Variants in LONP2 observed in about 807,000 individuals in gnomAD.
LONP2 encodes lon protease homolog 2, peroxisomal.
LONP2 carries 60 observed loss-of-function variants against 85.6 expected under a neutral mutation model. That is an observed-to-expected ratio of 0.70 (90% CI 0.57 to 0.87). The LOEUF is 0.87. Among genes scored for constraint, LONP2 ranks in the 40% least tolerant of loss-of-function variants. The pLI, the probability that LONP2 is intolerant of heterozygous loss-of-function variation, is 0.00. For synonymous variants in LONP2, 395 were observed against 389.7 expected (o/e 1.01, Z -0.16); for missense variants, 860 against 1,063.5 (o/e 0.81, Z 2.66).
At position 48,330,717 on chromosome 16, in the gene LONP2, A is replaced by G. The variant is rs77848634; in HGVS notation, c.1796-3499A>G. Among the ~76,000 whole-genome samples the G allele has an allele frequency of 1.8e-3, 280 of 152,294 alleles. 1 individual carries two copies. The East Asian group carries it at 0.037, about 20-fold the overall frequency. On this transcript the variant is annotated intron_variant, in intron 11 of 14. Coordinates refer to ENST00000285737, the MANE Select transcript of LONP2 (RefSeq NM_031490.5). The stretch of plus-strand genomic sequence containing the variant: ...AATCCAGTGCTGTCCTGCCTCTCCC[A>G]GTTGGCTGACACCATTTTCTTGACT...
chr16:48,289,703 T>C (rs559686169), intron 8 of LONP2, among the ~76,000 whole-genome samples: 1 of 152,280 alleles, frequency 6.6e-6, no homozygotes, highest in Non-Finnish European at 1.5e-5. Context: ...TCAATTCCAT[T>C]TTGGATATTA....
In LONP2 at chr16:48,356,595, T is replaced by C; in HGVS notation, c.*4793T>C. 3.8e-6 allele frequency: 1 copy of C among 262,392 alleles called. No homozygotes were observed. The highest frequency in any genetic ancestry group is 7.9e-6 in the Non-Finnish European group (1 of 127,138). 16.3% of individuals were successfully genotyped at this position (262,392 alleles called of 1,614,324 possible). On this transcript the variant is annotated 3_prime_UTR_variant, in exon 15 of 15. Coordinates refer to ENST00000285737, the MANE Select transcript of LONP2 (RefSeq NM_031490.5). ...GGTCCAACACTAATGCTCATTTTTT[T>C]TGTTTGTTTTACAAACATTTGGTGG...
rs914507785 is a variant in LONP2, at chr16:48,298,902, C to CT, written c.1535-749dup. On this transcript the variant is annotated intron_variant, in intron 9 of 14. Coordinates refer to ENST00000285737, the MANE Select transcript of LONP2 (RefSeq NM_031490.5). ...ATTGACTTAGATCAAATTTCTTTTTCTTTTTTTTTTTGGAGGCAGTCTCTG... is the reference window on the plus strand; with the variant it reads ...ATTGACTTAGATCAAATTTCTTTTTCTTTTTTTTTTTTGGAGGCAGTCTCTG... Among the ~76,000 whole-genome samples the CT allele has an allele frequency of 4.8e-3, 695 of 144,418 alleles. 2 individuals are homozygous for CT. Among genetic ancestry groups the CT allele is most frequent in the African/African-American group, 0.011 (436 of 39,734 alleles). 94.7% of individuals were successfully genotyped at this position (144,418 alleles called of 152,430 possible).
At position 48,295,924 on chromosome 16, in the gene LONP2, A is replaced by G. The variant is rs886492999; in HGVS notation, c.1384-91A>G. 6.6e-6 allele frequency: 8 copies of G among 1,208,850 alleles called. No homozygotes were observed. In the African/African-American group the frequency reaches 9.2e-5, roughly 14 times the overall value. The allele number at this position is 1,208,850 out of a possible 1,614,324, so 74.9% of individuals were successfully genotyped here. ...TAAATTCTTCTGAGCAGAAATACCA[A>G]CCTTGCCAGTACATCATGTGTGTTT... On this transcript the variant is annotated intron_variant, in intron 8 of 14. Coordinates refer to ENST00000285737, the MANE Select transcript of LONP2 (RefSeq NM_031490.5).
intron 10 of LONP2, among the ~76,000 whole-genome samples, chr16:48,301,219 A>G (rs1468134918): frequency 6.6e-6 from 1 of 152,200 alleles, no homozygotes; most frequent in African/African-American, 2.4e-5. Context: ...CTAATGTTCT[A>G]GTCTTTCTTA....
At chr16:48,358,083 G>A (rs755692796), downstream of LONP2, among the ~76,000 whole-genome samples, 3 of 152,188 alleles carry the variant, frequency 2.0e-5, no homozygotes, top group Non-Finnish European at 4.4e-5. Flanking sequence ...TAAATCAAAT[G>A]TGTAATGGAC....
chr16:48,357,980 A>G (rs911828781), downstream of LONP2, among the ~76,000 whole-genome samples: 3 of 152,200 alleles, frequency 2.0e-5, no homozygotes, highest in African/African-American at 7.2e-5. Flanking sequence ...TCCCATACCT[A>G]CCCCATGTAC....
intron 7 of LONP2, among the ~76,000 whole-genome samples, chr16:48,270,551 T>C (rs1972082359): frequency 6.6e-6 from 1 of 152,164 alleles, no homozygotes; most frequent in African/African-American, 2.4e-5. Context: ...TATTTATGAT[T>C]GGATATTATT....
At chr16:48,272,622 G>A (rs1972127996) in intron 7 of LONP2, among the ~76,000 whole-genome samples, 1 of 152,070 alleles carries the variant, frequency 6.6e-6, no homozygotes, top group Non-Finnish European at 1.5e-5. Context: ...ACGTATATAT[G>A]GAGGCTGTGA....
intron 11 of LONP2, among the ~76,000 whole-genome samples, chr16:48,321,573 T>A (rs113025951): frequency 0.047 from 7,147 of 152,266 alleles, 237 homozygotes; most frequent in Middle Eastern, 0.15. Context: ...TGTGGAAACA[T>A]CATAGAGTGT....
At chr16:48,362,011 A>C (rs1960616109), downstream of LONP2, 1 of 1,614,054 alleles carries the variant, frequency 6.2e-7, no homozygotes, top group Admixed American at 1.7e-5. The surrounding 1 kb of genome is among the most constrained non-coding windows in gnomAD (Gnocchi z 4.2). Context: ...GCATCCAGAG[A>C]GCCTTGCCAT....
At chr16:48,321,181 G>A (rs929006693) in intron 11 of LONP2, among the ~76,000 whole-genome samples, 3 of 152,096 alleles carry the variant, frequency 2.0e-5, no homozygotes, top group African/African-American at 2.4e-5. Context: ...CACCGCGCCC[G>A]GCCTGCAGTG....
intron 12 of LONP2, among the ~76,000 whole-genome samples, chr16:48,343,366 C>T (rs1959870952): frequency 6.6e-6 from 1 of 152,224 alleles, no homozygotes; most frequent in African/African-American, 2.4e-5. Context: ...TAATTAGATA[C>T]TCCAAATGTT....
rs1029439893 is a variant in LONP2 at position 48,355,527 on chromosome 16, C to T, written c.*3725C>T. On this transcript the variant is annotated 3_prime_UTR_variant, in exon 15 of 15. Transcript: ENST00000285737. The stretch of plus-strand genomic sequence containing the variant: ...TTACCCAGTCTCAGGTATTCTGTTA[C>T]GGTTAACACAAATGACTAAGACAAC... 8 of 152,158 alleles carry T rather than the reference C, an allele frequency of 5.3e-5. No homozygotes were observed. The South Asian group carries it at 6.2e-4, about 12-fold the overall frequency. 9.4% of individuals were successfully genotyped at this position (152,158 alleles called of 1,614,324 possible). A position where few individuals can be genotyped will look rare whatever the true frequency, so the allele number is the denominator to read the frequency against.
At chr16:48,294,058 T>G (rs1333492578) in intron 8 of LONP2, among the ~76,000 whole-genome samples, 1 of 152,170 alleles carries the variant, frequency 6.6e-6, no homozygotes, top group East Asian at 1.9e-4. Context: ...TGCCTCAGCC[T>G]CCCGAGTAGC....
chr16:48,296,741 AG>A (rs1358467562), intron 9 of LONP2, among the ~76,000 whole-genome samples: 1 of 151,348 alleles, frequency 6.6e-6, no homozygotes, highest in East Asian at 1.9e-4. Context: ...AAAAAAAAAA[AG>A]AGTAACTGAA....
rs146790576 is a variant in LONP2 at position 48,272,614 on chromosome 16, G to A, written c.1241+2340G>A. Among the ~76,000 whole-genome samples, 7 of 152,208 alleles carry A rather than the reference G, an allele frequency of 4.6e-5. No individual in the cohort carries two copies. The East Asian group carries it at 1.4e-3, about 29-fold the overall frequency. On this transcript the variant is annotated intron_variant, in intron 7 of 14. Transcript: ENST00000285737. ...TTGTAAATATAACCTTTTTAGAAAC[G>A]TATATATGGAGGCTGTGATTGTTGC...
At chr16:48,337,781 G>C (rs1959698010) in intron 12 of LONP2, among the ~76,000 whole-genome samples, 1 of 152,148 alleles carries the variant, frequency 6.6e-6, no homozygotes, top group South Asian at 2.1e-4. Context: ...ACATGTTGAG[G>C]TGTTCCCAAG....
intron 11 of LONP2, among the ~76,000 whole-genome samples, chr16:48,324,250 A>C (rs1425411872): frequency 6.6e-6 from 1 of 152,244 alleles, no homozygotes; most frequent in Non-Finnish European, 1.5e-5. Flanking sequence ...CTTTTAAAGT[A>C]GGCTCAGTTA....
Sources: allele counts gnomAD v4.1 joint callset (sites outside exome capture counted in the v4.1 genomes callset), GRCh38; gene constraint gnomAD v4.1.1; non-coding constraint Gnocchi (gnomAD v3.1); transcripts MANE v1.5; gene names NCBI Gene and HGNC (gene_info 2026-07-23, HGNC 2026-07-21).